Variants in HPGDS observed in about 807,000 individuals in gnomAD.
HPGDS encodes GST class-sigma.
Under a neutral mutation model 23.1 loss-of-function variants are expected in HPGDS, and 26 were observed. The observed-to-expected ratio is 1.13, with a 90% CI of 0.83 to 1.56. The LOEUF (loss-of-function observed/expected upper bound fraction) is 1.56, where lower values mean the gene tolerates loss of function less well. HPGDS is among the 40% of genes most tolerant of loss of function. The pLI, the probability that HPGDS is intolerant of heterozygous loss-of-function variation, is 0.00. For synonymous variants in HPGDS, 95 were observed against 77.9 expected, an observed-to-expected ratio of 1.22 and a Z score of -1.16; for missense variants, 268 against 236.4, an observed-to-expected ratio of 1.13 and a Z score of -0.88.
chr4:94,329,738 C>T (rs978036290), intron 2 of HPGDS, among the ~76,000 whole-genome samples: 1 of 152,240 alleles, frequency 6.6e-6, no homozygotes, highest in Non-Finnish European at 1.5e-5. Flanking sequence ...TAACTGCCCA[C>T]AACTGGAACA....
intron 5 of HPGDS, among the ~76,000 whole-genome samples, chr4:94,299,910 C>T (rs1756001774): frequency 6.6e-6 from 1 of 152,160 alleles, no homozygotes; most frequent in Non-Finnish European, 1.5e-5. Flanking sequence ...ATGGTACATA[C>T]TCTTGTAACC....
At chr4:94,325,644 C>T (rs573105711) in intron 2 of HPGDS, among the ~76,000 whole-genome samples, 2 of 152,282 alleles carry the variant, frequency 1.3e-5, no homozygotes, top group Non-Finnish European at 1.5e-5. Context: ...TGGAAAAATG[C>T]AGTATTTGGG....
intron 3 of HPGDS, among the ~76,000 whole-genome samples, chr4:94,311,867 G>C (rs1292934172): frequency 6.6e-6 from 1 of 151,336 alleles, no homozygotes; most frequent in Non-Finnish European, 1.5e-5. Flanking sequence ...TTAGCCTTGG[G>C]AGGGTGTATG....
intron 2 of HPGDS, among the ~76,000 whole-genome samples, chr4:94,327,064 A>G (rs2126043654): frequency 6.6e-6 from 1 of 152,142 alleles, no homozygotes; most frequent in East Asian, 1.9e-4. Flanking sequence ...GGGGATGCCA[A>G]GTGGACTCAT....
At chr4:94,322,582 T>C (rs566409357) in intron 2 of HPGDS, among the ~76,000 whole-genome samples, 1,585 of 152,318 alleles carry the variant, frequency 0.01, no homozygotes, top group African/African-American at 0.035. Context: ...GATGGTAGTT[T>C]GTATTTCTGT....
At chr4:94,315,171 AGTGAGACAATCCCCG>A (rs1235282448) in intron 3 of HPGDS, among the ~76,000 whole-genome samples, 7 of 65,058 alleles carry the variant, frequency 1.1e-4, no homozygotes, top group Admixed American at 2.2e-4. Flanking sequence ...GACAATCCCC[AGTGAGACAATCCCCG>A]GTACCTCAGT....
intron 3 of HPGDS, among the ~76,000 whole-genome samples, chr4:94,315,673 G>A (rs1415431185): frequency 1.3e-5 from 2 of 152,172 alleles, no homozygotes; most frequent in Non-Finnish European, 2.9e-5. Context: ...TGGATGAATT[G>A]TATGTAAATT....
rs1015180281 is a variant in HPGDS at position 94,320,379 on chromosome 4, C to T, written c.134-2414G>A. On this transcript the variant is annotated intron_variant, in intron 2 of 5. Coordinates refer to ENST00000295256, the MANE Select transcript of HPGDS (RefSeq NM_014485.3). ...TTGAACTAGTTTACAGTCCCACCAA[C>T]AGTGTAAAAGTGTTCCTATTTCTCC... 2.4e-4 allele frequency among the ~76,000 whole-genome samples: 36 copies of T among 152,182 alleles called. 1 individual carries two copies. The highest frequency in any genetic ancestry group is 1.3e-4 in the Admixed American group (2 of 15,282).
chr4:94,299,216 T>G lies in HPGDS; in HGVS notation c.*264A>C, dbSNP rs562568681. ...CATTATGACTGCAATTCGTGCATGT[T>G]AGAACCTGTGCAAAGCAAGGTCTGC... is the stretch of plus-strand genomic sequence containing the variant. On this transcript the variant is annotated 3_prime_UTR_variant, in exon 6 of 6. Coordinates refer to ENST00000295256, the MANE Select transcript of HPGDS (RefSeq NM_014485.3). 4.4e-5 allele frequency: 14 copies of G among 319,302 alleles called. No homozygotes were observed. Among genetic ancestry groups the G allele is most frequent in the African/African-American group, 2.5e-4 (12 of 47,586 alleles). The allele number at this position is 319,302 out of a possible 1,614,324, so 19.8% of individuals were successfully genotyped here.
chr4:94,324,664 C>T (rs1756592929), intron 2 of HPGDS, among the ~76,000 whole-genome samples: 1 of 151,738 alleles, frequency 6.6e-6, no homozygotes, highest in Admixed American at 6.6e-5. Context: ...TTCGTCTAAT[C>T]TTTTTTCAAG....
intron 3 of HPGDS, 55 bp downstream of exon 3, chr4:94,317,818 T>G: frequency 1.1e-6 from 1 of 948,922 alleles, no homozygotes; most frequent in East Asian, 2.4e-5. Context: ...ATATTGAATA[T>G]ATATCATGTA....
At chr4:94,342,513 T>G (rs1721193075) in intron 1 of HPGDS, among the ~76,000 whole-genome samples, 1 of 152,166 alleles carries the variant, frequency 6.6e-6, no homozygotes, top group Non-Finnish European at 1.5e-5. Flanking sequence ...TAAGACAGGA[T>G]TTTTCCTCTA....
At chr4:94,339,962 C>G (rs1031166202) in intron 1 of HPGDS, among the ~76,000 whole-genome samples, 4 of 152,124 alleles carry the variant, frequency 2.6e-5, no homozygotes, top group African/African-American at 4.8e-5. Flanking sequence ...CCTTCCTCTT[C>G]CGCTATGATG....
intron 3 of HPGDS, among the ~76,000 whole-genome samples, chr4:94,310,520 C>T (rs867390958): frequency 5.9e-5 from 9 of 152,176 alleles, no homozygotes; most frequent in African/African-American, 2.2e-4. Context: ...CAGTACCATG[C>T]TGTTTTGGTT....
intron 3 of HPGDS, among the ~76,000 whole-genome samples, chr4:94,312,117 G>GT (rs1251413510): frequency 6.6e-6 from 1 of 152,130 alleles, no homozygotes; most frequent in African/African-American, 2.4e-5. Context: ...TTTTTGAAGG[G>GT]TTTTTTGTGT....
intron 5 of HPGDS, among the ~76,000 whole-genome samples, chr4:94,301,433 T>C (rs969857373): frequency 2.6e-5 from 4 of 152,224 alleles, no homozygotes; most frequent in Admixed American, 2.0e-4. Flanking sequence ...TTCTTTCTTA[T>C]CTATTAACTG....
rs758352667 is a variant in HPGDS at position 94,334,475 on chromosome 4, A to G, written c.133+22T>C. On this transcript the variant is annotated intron_variant, in intron 2 of 5. Transcript: ENST00000295256. ...GGTTCTGAAAGCATATTTTTCCTAC[A>G]TTTATTATTTTTGCTACTTACTTGA... 4 of 1,553,220 alleles carry G rather than the reference A, an allele frequency of 2.6e-6. No homozygotes were observed. The Admixed American group carries it at 8.1e-5, about 32-fold the overall frequency.
intron 3 of HPGDS, among the ~76,000 whole-genome samples, chr4:94,316,756 T>C (rs1756406043): frequency 6.6e-6 from 1 of 152,368 alleles, no homozygotes; most frequent in Admixed American, 6.5e-5. Flanking sequence ...TGGGAAATTG[T>C]TGAGAATGCA....
In HPGDS at chr4:94,310,852, A is replaced by G. The variant is rs529788963; in HGVS notation, c.227-2109T>C. 4.6e-5 allele frequency among the ~76,000 whole-genome samples: 7 copies of G among 152,290 alleles called. No homozygotes were observed. In the East Asian group the frequency reaches 7.7e-4, roughly 17 times the overall value. Reference sequence around the variant, plus strand: ...AATTCTCCTTAAAGAGGTCCTTCACATCCCTTGTAAGTTGGATTCCTAGGT... The same window carrying G: ...AATTCTCCTTAAAGAGGTCCTTCACGTCCCTTGTAAGTTGGATTCCTAGGT... On this transcript the variant is annotated intron_variant, in intron 3 of 5. Coordinates refer to ENST00000295256, the MANE Select transcript of HPGDS (RefSeq NM_014485.3).
Sources: gnomAD v4.1 joint callset for allele counts (sites outside exome capture counted in the v4.1 genomes callset) on GRCh38, gnomAD v4.1.1 for gene constraint, MANE v1.5 for transcripts, NCBI Gene and HGNC (gene_info 2026-07-23, HGNC 2026-07-21) for gene names.